Variants in PLXNC1 observed in about 807,000 individuals in gnomAD.
PLXNC1 encodes plexin C1.
In PLXNC1, 75 loss-of-function variants were observed where a neutral mutation model predicts 178.2. The ratio of observed to expected loss-of-function variants is 0.42; its 90% CI spans 0.35 to 0.51. The LOEUF (loss-of-function observed/expected upper bound fraction) is 0.51. Ranked by LOEUF, PLXNC1 falls within the 20% of genes least tolerant of loss-of-function variation. The pLI is 0.02. For missense variants in PLXNC1, 1,503 were observed against 1,984.4 expected (o/e 0.76, Z 4.61); for synonymous variants, 790 against 779.9 (o/e 1.01, Z -0.22).
intron 21 of PLXNC1, among the ~76,000 whole-genome samples, chr12:94,269,052 G>A (rs1261173058): frequency 6.6e-6 from 1 of 152,136 alleles, no homozygotes; most frequent in African/African-American, 2.4e-5. Context: ...TTTCACATGG[G>A]AGAAGGGACA....
intron 21 of PLXNC1, among the ~76,000 whole-genome samples, chr12:94,265,751 T>C (rs896755547): frequency 2.6e-5 from 4 of 152,198 alleles, no homozygotes; most frequent in Non-Finnish European, 5.9e-5. Flanking sequence ...CTCATAGATA[T>C]TTTTAGAGGA....
In PLXNC1 at chr12:94,304,513, G is replaced by GT. The variant is rs1022117243; in HGVS notation, c.4602+469dup. Among the ~76,000 whole-genome samples the GT allele has an allele frequency of 5.3e-5, 8 of 152,142 alleles. 1 individual carries two copies. Among genetic ancestry groups the GT allele is most frequent in the South Asian group, 2.1e-4 (1 of 4,822 alleles). Reference sequence around the variant, plus strand: ...TTATGATTAATTCTCCTTAATCTGGGTTTTTTTCTTTGGAAATTCAAACAG... The same window carrying GT: ...TTATGATTAATTCTCCTTAATCTGGGTTTTTTTTCTTTGGAAATTCAAACAG... On this transcript the variant is annotated intron_variant, in intron 30 of 30. Coordinates refer to ENST00000258526, the MANE Select transcript of PLXNC1 (RefSeq NM_005761.3).
At chr12:94,171,669 A>G (rs923348146) in intron 2 of PLXNC1, among the ~76,000 whole-genome samples, 2 of 152,208 alleles carry the variant, frequency 1.3e-5, no homozygotes, top group South Asian at 2.1e-4. Context: ...CATGGGAGAC[A>G]TGCAGATAGG....
At chr12:94,297,474 T>C in intron 26 of PLXNC1, 51 bp downstream of exon 26, 1 of 1,235,490 alleles carries the variant, frequency 8.1e-7, no homozygotes, top group Non-Finnish European at 1.2e-6. Context: ...GGGTGTATGA[T>C]ATGTTTGACT....
intron 17 of PLXNC1, among the ~76,000 whole-genome samples, chr12:94,258,063 G>C (rs1362131404): frequency 6.6e-6 from 1 of 150,442 alleles, no homozygotes; most frequent in Non-Finnish European, 1.5e-5. Context: ...GGAGGCAGAG[G>C]TTGCCGTGAG....
chr12:94,255,014 C>A, intron 16 of PLXNC1, 126 bp downstream of exon 16: 1 of 938,318 alleles, frequency 1.1e-6, no homozygotes. Flanking sequence ...AACGGAAGGG[C>A]AGGGCCTGGG....
chr12:94,237,336 CT>C (rs1474427018), intron 9 of PLXNC1, among the ~76,000 whole-genome samples: 1 of 152,180 alleles, frequency 6.6e-6, no homozygotes, highest in African/African-American at 2.4e-5. Context: ...CATTGTGAGC[CT>C]CCAGAGGCTG....
chr12:94,235,234 G>A (rs527294864), intron 9 of PLXNC1, among the ~76,000 whole-genome samples: 20 of 152,134 alleles, frequency 1.3e-4, no homozygotes, highest in Admixed American at 4.6e-4. Context: ...GTAGCAAGGC[G>A]GTCTCCACTC....
chr12:94,294,637 G>A, intron 24 of PLXNC1, 97 bp downstream of exon 24: 1 of 617,482 alleles, frequency 1.6e-6, no homozygotes, highest in Non-Finnish European at 3.0e-6. Flanking sequence ...AGGTGAGATT[G>A]AGTTGTTGCT....
intron 27 of PLXNC1, among the ~76,000 whole-genome samples, chr12:94,300,445 G>A (rs986296395): frequency 2.0e-5 from 3 of 152,194 alleles, no homozygotes; most frequent in Admixed American, 1.3e-4. Flanking sequence ...AGGAGAACAG[G>A]AGAGTTGGAA....
At chr12:94,150,073 C>G in intron 1 of PLXNC1, 40 bp downstream of exon 1, 1 of 1,466,712 alleles carries the variant, frequency 6.8e-7, no homozygotes, top group Non-Finnish European at 9.1e-7. Flanking sequence ...AGCGCTGCTG[C>G]CGGGGAGCCG....
At chr12:94,302,972 G>GC (rs1183419193) in intron 28 of PLXNC1, among the ~76,000 whole-genome samples, 1 of 152,106 alleles carries the variant, frequency 6.6e-6, no homozygotes, top group Non-Finnish European at 1.5e-5. Context: ...CAGTCTCTAG[G>GC]CATCCTTCAG....
intron 1 of PLXNC1, among the ~76,000 whole-genome samples, chr12:94,165,849 T>C (rs1445002543): frequency 2.0e-5 from 3 of 152,036 alleles, no homozygotes; most frequent in Admixed American, 6.5e-5. Flanking sequence ...CACGAGTCTA[T>C]GCATGATGAG....
intron 4 of PLXNC1, among the ~76,000 whole-genome samples, chr12:94,194,469 T>G (rs569085665): frequency 3.0e-4 from 45 of 152,300 alleles, no homozygotes; most frequent in African/African-American, 1.1e-3. Context: ...TGCAAAAAAG[T>G]GCTGGGATTA....
At chr12:94,160,612 G>C (rs1961348697) in intron 1 of PLXNC1, among the ~76,000 whole-genome samples, 1 of 152,180 alleles carries the variant, frequency 6.6e-6, no homozygotes, top group African/African-American at 2.4e-5. Context: ...TGAGGCAATA[G>C]AGGGGGGAAT....
chr12:94,275,239 A>T (rs1965844092), intron 21 of PLXNC1, among the ~76,000 whole-genome samples: 2 of 152,230 alleles, frequency 1.3e-5, no homozygotes, highest in Admixed American at 1.3e-4. Context: ...TCTGAAATTT[A>T]TCATGAATTA....
chr12:94,291,813 G>A (rs1967360412), intron 23 of PLXNC1, among the ~76,000 whole-genome samples: 1 of 152,082 alleles, frequency 6.6e-6, no homozygotes, highest in South Asian at 2.1e-4. Context: ...TGCTACAAGG[G>A]TATACTGCAT....
rs757782816 is a variant in PLXNC1, at chr12:94,251,169, AG to A, written c.2779-256del. 6.6e-5 allele frequency among the ~76,000 whole-genome samples: 10 copies of A among 152,304 alleles called. 1 individual carries two copies. In the East Asian group the frequency reaches 1.3e-3, roughly 21 times the overall value. ...CTGCAACTTAAAACCCCCAGAGCAA[AG>A]AGGGCCAAAATTAAGACTCTGAGGG... On this transcript the variant is annotated intron_variant, in intron 14 of 30. Transcript: ENST00000258526.
intron 6 of PLXNC1, 84 bp downstream of exon 6, chr12:94,220,247 G>A (rs1415932796): frequency 3.0e-6 from 4 of 1,347,352 alleles, no homozygotes; most frequent in African/African-American, 1.5e-5. Flanking sequence ...CAAGGAATAT[G>A]AATAGTTCCC....
Sources: gnomAD v4.1 joint callset for allele counts (sites outside exome capture counted in the v4.1 genomes callset) on GRCh38, gnomAD v4.1.1 for gene constraint, MANE v1.5 for transcripts, NCBI Gene and HGNC (gene_info 2026-07-23, HGNC 2026-07-21) for gene names.